Variants in ANKS1B observed in about 807,000 individuals in gnomAD.
The protein encoded by ANKS1B is ankyrin repeat and sterile alpha motif domain containing 1B.
ANKS1B carries 36 observed loss-of-function variants against 148.3 expected under a neutral mutation model. That is an observed-to-expected ratio of 0.24 (90% CI 0.19 to 0.32). ANKS1B has a LOEUF of 0.32. Among genes scored for constraint, ANKS1B ranks in the 10% least tolerant of loss-of-function variants. The pLI is 1.00. For missense variants in ANKS1B, 1,157 were observed against 1,542.6 expected (o/e 0.75, Z 4.19); for synonymous variants, 542 against 560.8 (o/e 0.97, Z 0.47).
chr12:99,700,695 C>T (rs2054665612), intron 8 of ANKS1B, among the ~76,000 whole-genome samples: 1 of 152,064 alleles, frequency 6.6e-6, no homozygotes. Context: ...GTAGTGGTAC[C>T]ACAGGTAACT....
downstream of ANKS1B, among the ~76,000 whole-genome samples, chr12:98,740,303 G>A (rs771263240): frequency 3.9e-5 from 6 of 152,108 alleles, no homozygotes; most frequent in Admixed American, 1.3e-4. Flanking sequence ...GAGAGCCAGC[G>A]CCCTCTACTC....
rs183930072 is a variant in ANKS1B at position 98,970,775 on chromosome 12, C to T, written c.2778+82382G>A. 7.2e-5 allele frequency among the ~76,000 whole-genome samples: 11 copies of T among 152,268 alleles called. No homozygotes were observed. The East Asian group carries it at 2.1e-3, about 29-fold the overall frequency. The stretch of plus-strand genomic sequence containing the variant: ...GCGACTAATGATCTGTTACTACTTC[C>T]TGAAAGGTTAGCCATTATTGATATA... On this transcript the variant is annotated intron_variant, in intron 17 of 26. Coordinates refer to ENST00000683438, the MANE Select transcript of ANKS1B (RefSeq NM_001352186.2).
intron 14 of ANKS1B, among the ~76,000 whole-genome samples, chr12:99,212,722 A>C (rs1004928410): frequency 1.3e-5 from 2 of 152,188 alleles, no homozygotes; most frequent in Non-Finnish European, 2.9e-5. Context: ...GGTTTCAAGA[A>C]ATGAGGGCTC....
chr12:99,679,424 CA>C (rs1302289545), intron 8 of ANKS1B, among the ~76,000 whole-genome samples: 2 of 152,202 alleles, frequency 1.3e-5, no homozygotes, highest in Admixed American at 1.3e-4. Flanking sequence ...CCTCCCACCT[CA>C]GCCTCCCAAG....
chr12:99,173,110 T>C (rs745445458), intron 14 of ANKS1B, among the ~76,000 whole-genome samples: 35 of 152,172 alleles, frequency 2.3e-4, no homozygotes, highest in Non-Finnish European at 4.7e-4. Context: ...CTTCAGCAGA[T>C]GTATTAAGAT....
intron 10 of ANKS1B, among the ~76,000 whole-genome samples, chr12:99,491,083 C>T (rs566070549): frequency 6.6e-5 from 10 of 152,134 alleles, no homozygotes; most frequent in African/African-American, 1.9e-4. Flanking sequence ...TTTGGGAGGC[C>T]GAGGCAGGCG....
chr12:99,272,951 C>T (rs892782368), intron 12 of ANKS1B, among the ~76,000 whole-genome samples: 8 of 152,168 alleles, frequency 5.3e-5, no homozygotes, highest in African/African-American at 1.2e-4. Context: ...GATCATGCTA[C>T]ATTTGGAGAA....
chr12:99,071,360 A>T (rs2046211799), intron 16 of ANKS1B, among the ~76,000 whole-genome samples: 1 of 152,266 alleles, frequency 6.6e-6, no homozygotes. Context: ...CAATTAAGTT[A>T]GCACTTATTT....
At chr12:99,772,795 GCA>G (rs1408130327) in intron 8 of ANKS1B, 125 bp downstream of exon 8, 21 of 988,198 alleles carry the variant, frequency 2.1e-5, no homozygotes, top group Non-Finnish European at 2.8e-5. Context: ...CAGGAAAAGA[GCA>G]ATAAGGAAAC....
intron 12 of ANKS1B, among the ~76,000 whole-genome samples, chr12:99,312,741 G>A (rs79935648): frequency 0.028 from 4,331 of 152,008 alleles, 79 homozygotes; most frequent in Non-Finnish European, 0.045. Flanking sequence ...TTTCTCATCC[G>A]TGACATGGAA....
intron 19 of ANKS1B, among the ~76,000 whole-genome samples, chr12:98,820,127 G>A (rs1407275202): frequency 1.3e-5 from 2 of 152,216 alleles, no homozygotes; most frequent in African/African-American, 4.8e-5. Context: ...AGCATTTGGG[G>A]TTTTGGAATT....
At chr12:99,802,811 G>A (rs1408839801) in intron 4 of ANKS1B, among the ~76,000 whole-genome samples, 1 of 151,926 alleles carries the variant, frequency 6.6e-6, no homozygotes, top group Non-Finnish European at 1.5e-5. Flanking sequence ...TACTCAGGAG[G>A]CTGAAGCAGG....
intron 17 of ANKS1B, among the ~76,000 whole-genome samples, chr12:99,041,899 GCTGAGAAGGGAGCACTGC>G: frequency 6.6e-6 from 1 of 152,194 alleles, no homozygotes; most frequent in Admixed American, 6.5e-5. Context: ...TACTTGGGAG[GCTGAGAAGGGAGCACTGC>G]CTGAGCCTGG....
chr12:99,155,230 T>G, intron 14 of ANKS1B: 1 of 934,188 alleles, frequency 1.1e-6, no homozygotes, highest in Middle Eastern at 3.5e-4. Context: ...CCTTTTTAAA[T>G]GGAGCACAGA....
rs576965788 is a variant in ANKS1B, at chr12:99,678,866, A to G, written c.1129-23656T>C. On this transcript the variant is annotated intron_variant, in intron 8 of 26. Transcript: ENST00000683438. ...ATTTTATGAGACAGTGGCTTAAAAG[A>G]AGAAAACTTAGATGATCAACAAGAG... Among the ~76,000 whole-genome samples the G allele has an allele frequency of 2.6e-5, 4 of 152,324 alleles. 1 individual carries two copies. Among genetic ancestry groups the G allele is most frequent in the African/African-American group, 9.6e-5 (4 of 41,590 alleles).
intron 15 of ANKS1B, among the ~76,000 whole-genome samples, chr12:99,090,654 T>C (rs1385414551): frequency 6.6e-6 from 1 of 152,164 alleles, no homozygotes; most frequent in Non-Finnish European, 1.5e-5. Context: ...ATAAATAGCA[T>C]GGTAGCATGA....
At chr12:98,775,912 A>G (rs1541627) in intron 24 of ANKS1B, among the ~76,000 whole-genome samples, 46,668 of 152,196 alleles carry the variant, frequency 0.31, 9,125 homozygotes, top group East Asian at 0.66. Flanking sequence ...AGGAAAGCTC[A>G]TGCTAGTTAA....
chr12:99,558,216 A>G (rs1199938174), intron 9 of ANKS1B, among the ~76,000 whole-genome samples: 9 of 152,028 alleles, frequency 5.9e-5, no homozygotes, highest in Non-Finnish European at 1.2e-4. Context: ...GCATGCTCAC[A>G]TTGGTGACCG....
chr12:98,893,897 G>A (rs757734652), intron 17 of ANKS1B, among the ~76,000 whole-genome samples: 5 of 152,224 alleles, frequency 3.3e-5, no homozygotes, highest in Non-Finnish European at 5.9e-5. Flanking sequence ...AATACGGGGC[G>A]ATGGCAGCAT....
Sources: gnomAD v4.1 joint callset for allele counts (sites outside exome capture counted in the v4.1 genomes callset) on GRCh38, gnomAD v4.1.1 for gene constraint, MANE v1.5 for transcripts, NCBI Gene and HGNC (gene_info 2026-07-23, HGNC 2026-07-21) for gene names.